Variants in AGAP1 observed in about 807,000 individuals in gnomAD.
The protein encoded by AGAP1 is arf-GAP with GTPase, ANK repeat and PH domain-containing protein 1.
A neutral mutation model predicts 105.3 loss-of-function variants in AGAP1; 29 were observed. The observed-to-expected ratio is 0.28, with a 90% CI of 0.21 to 0.38. AGAP1 has a LOEUF of 0.38. Among genes scored for constraint, AGAP1 ranks in the 10% least tolerant of loss-of-function variants. The pLI is 1.00. For synonymous variants in AGAP1, 509 were observed against 485.9 expected, an observed-to-expected ratio of 1.05 and a Z score of -0.63; for missense variants, 998 against 1,165.1, an observed-to-expected ratio of 0.86 and a Z score of 2.09.
intron 16 of AGAP1, among the ~76,000 whole-genome samples, chr2:236,098,938 G>C (rs1250472106): frequency 6.6e-6 from 1 of 151,756 alleles, no homozygotes; most frequent in Non-Finnish European, 1.5e-5. Context: ...CTTTCTAAAG[G>C]CCTCCAAACA....
At position 236,050,560 on chromosome 2, in the gene AGAP1, A is replaced by G. The variant is rs919537439; in HGVS notation, c.2114+1279A>G. Among the ~76,000 whole-genome samples the G allele has an allele frequency of 2.0e-5, 3 of 152,238 alleles. No homozygotes were observed. The highest frequency in any genetic ancestry group is 4.4e-5 in the Non-Finnish European group (3 of 68,046). On this transcript the variant is annotated intron_variant, in intron 16 of 17. Coordinates refer to ENST00000304032, the MANE Select transcript of AGAP1 (RefSeq NM_001037131.3). The surrounding 1 kb of genome is among the most constrained non-coding windows in gnomAD (Gnocchi z 4.0). Reference sequence around the variant, plus strand: ...ACCATAGAAATCAGCTGGGTCATCAACTGTGAACAAGCTTAAAAGATGAAT... The same window carrying G: ...ACCATAGAAATCAGCTGGGTCATCAGCTGTGAACAAGCTTAAAAGATGAAT...
chr2:236,007,058 T>C (rs984403118), intron 13 of AGAP1, among the ~76,000 whole-genome samples: 3 of 140,380 alleles, frequency 2.1e-5, no homozygotes, highest in Non-Finnish European at 3.0e-5. Flanking sequence ...AGCAGTTTTA[T>C]GGGAGGAAAT....
At chr2:235,587,846 G>C (rs949166789) in intron 1 of AGAP1, among the ~76,000 whole-genome samples, 4 of 152,044 alleles carry the variant, frequency 2.6e-5, no homozygotes, top group African/African-American at 9.7e-5. Flanking sequence ...CAGCCCCACA[G>C]GGGTCTCCAG....
intron 13 of AGAP1, among the ~76,000 whole-genome samples, chr2:236,017,814 C>G (rs1053636150): frequency 2.6e-5 from 4 of 152,170 alleles, no homozygotes; most frequent in Non-Finnish European, 4.4e-5. Context: ...ACTCCCCCTG[C>G]CAGGTAGGTA....
intron 9 of AGAP1, among the ~76,000 whole-genome samples, chr2:235,835,021 G>T (rs988950049): frequency 1.3e-5 from 2 of 152,196 alleles, no homozygotes; most frequent in Admixed American, 6.5e-5. Context: ...AGGGAGTCTC[G>T]CTTAAAGTCT....
In AGAP1 at chr2:235,578,847, C is replaced by G. The variant is rs1189973863; in HGVS notation, c.163+83998C>G. Among the ~76,000 whole-genome samples, 1 of 151,250 alleles carries G rather than the reference C, an allele frequency of 6.6e-6. No individual in the cohort carries two copies. The highest frequency in any genetic ancestry group is 1.5e-5 in the Non-Finnish European group (1 of 67,828). ...TTTAAATAAACATTTGTGTATAGCC[C>G]AATAGTTTTTCACTGTTGAGGGTCA... On this transcript the variant is annotated intron_variant, in intron 1 of 17. Transcript: ENST00000304032. This position sits in a 1 kb window ranked among gnomAD's most constrained non-coding sequence, Gnocchi z 4.9.
At chr2:235,810,245 C>T (rs192744522) in intron 9 of AGAP1, among the ~76,000 whole-genome samples, 1 of 152,158 alleles carries the variant, frequency 6.6e-6, no homozygotes, top group East Asian at 1.9e-4. Flanking sequence ...GGGTGGGAGG[C>T]GTCATTCCAT....
chr2:235,680,809 G>A (rs996162054), intron 1 of AGAP1, among the ~76,000 whole-genome samples: 2 of 152,010 alleles, frequency 1.3e-5, no homozygotes, highest in Non-Finnish European at 2.9e-5. Context: ...GAGTGGCTGC[G>A]GGCTCCCAGA....
At chr2:235,534,776 C>T (rs1943156516) in intron 1 of AGAP1, among the ~76,000 whole-genome samples, 1 of 152,172 alleles carries the variant, frequency 6.6e-6, no homozygotes. Context: ...TCAAAGGCAG[C>T]CATCCGTGGA....
chr2:236,112,900 GCC>G (rs1329754824), intron 16 of AGAP1, among the ~76,000 whole-genome samples: 1 of 150,860 alleles, frequency 6.6e-6, no homozygotes, highest in Non-Finnish European at 1.5e-5. Flanking sequence ...CCGCTCTGCA[GCC>G]CTGTCTGGCT....
chr2:235,770,575 T>C (rs1380804173), intron 6 of AGAP1, among the ~76,000 whole-genome samples: 1 of 152,176 alleles, frequency 6.6e-6, no homozygotes, highest in Non-Finnish European at 1.5e-5. Context: ...TTGCCCATGA[T>C]GGATATTCAC....
intron 9 of AGAP1, chr2:235,852,989 A>T: frequency 2.4e-6 from 3 of 1,249,928 alleles, no homozygotes; most frequent in Non-Finnish European, 3.0e-6. Context: ...GGAGAGCTGG[A>T]GAAATGGAGC....
At chr2:235,806,802 G>C (rs1957858275) in intron 8 of AGAP1, among the ~76,000 whole-genome samples, 1 of 152,228 alleles carries the variant, frequency 6.6e-6, no homozygotes, top group Middle Eastern at 3.4e-3. Flanking sequence ...CAGCTGACTA[G>C]TCAACAGAAT....
intron 6 of AGAP1, among the ~76,000 whole-genome samples, chr2:235,783,048 GTGTC>G (rs57201557): frequency 0.011 from 982 of 85,580 alleles, 5 homozygotes; most frequent in African/African-American, 0.031. Context: ...GTGTGTGTGT[GTGTC>G]TAGGTTGCAG....
intron 1 of AGAP1, among the ~76,000 whole-genome samples, chr2:235,613,875 G>A (rs1026746904): frequency 3.9e-5 from 6 of 152,214 alleles, no homozygotes; most frequent in Admixed American, 1.3e-4. Flanking sequence ...TAGTGGCGCC[G>A]TGTGGCCCGC....
chr2:236,107,130 G>A (rs1296042125), intron 16 of AGAP1, among the ~76,000 whole-genome samples: 4 of 129,932 alleles, frequency 3.1e-5, no homozygotes, highest in South Asian at 2.8e-4. Context: ...CCCCGCCAGC[G>A]GATTCTCCTG....
intron 11 of AGAP1, among the ~76,000 whole-genome samples, chr2:235,916,175 A>C (rs1016517714): frequency 6.6e-6 from 1 of 152,218 alleles, no homozygotes; most frequent in Non-Finnish European, 1.5e-5. Flanking sequence ...CCAGAAAAAA[A>C]AAGAAGAATC....
In AGAP1 at chr2:236,129,774, C is replaced by T. The variant is rs1412991100; in HGVS notation, c.*5652C>T. The T allele has an allele frequency of 6.6e-6, 1 of 152,140 alleles. No individual in the cohort carries two copies. Among genetic ancestry groups the T allele is most frequent in the Admixed American group, 6.5e-5 (1 of 15,278 alleles). 9.4% of individuals were successfully genotyped at this position (152,140 alleles called of 1,614,324 possible). A position where few individuals can be genotyped will look rare whatever the true frequency, so the allele number is the denominator to read the frequency against. Reference sequence around the variant, plus strand: ...CACATGTCCGCATTGGCAGGTGATTCTGGAAAGGGATTCTGGGAAACCAAC... The same window carrying T: ...CACATGTCCGCATTGGCAGGTGATTTTGGAAAGGGATTCTGGGAAACCAAC... On this transcript the variant is annotated 3_prime_UTR_variant, in exon 18 of 18. Coordinates refer to ENST00000304032, the MANE Select transcript of AGAP1 (RefSeq NM_001037131.3). This position sits in a 1 kb window ranked among gnomAD's most constrained non-coding sequence, Gnocchi z 6.2.
chr2:235,890,482 A>G (rs1368494464), intron 10 of AGAP1, among the ~76,000 whole-genome samples: 1 of 152,220 alleles, frequency 6.6e-6, no homozygotes, highest in East Asian at 1.9e-4. Flanking sequence ...GTGGTGGGGC[A>G]GGATAACAAG....
Sources: gnomAD v4.1 joint callset for allele counts (sites outside exome capture counted in the v4.1 genomes callset) on GRCh38, gnomAD v4.1.1 for gene constraint, Gnocchi (gnomAD v3.1) non-coding constraint, MANE v1.5 for transcripts, NCBI Gene and HGNC (gene_info 2026-07-23, HGNC 2026-07-21) for gene names.